FOXJ3: variants seen among roughly 807,000 people sequenced by gnomAD.
The protein encoded by FOXJ3 is forkhead box protein J3.
FOXJ3 carries 22 observed loss-of-function variants against 76.1 expected under a neutral mutation model. The ratio of observed to expected loss-of-function variants is 0.29; its 90% confidence interval spans 0.21 to 0.41. FOXJ3 has a LOEUF of 0.41. Among genes scored for constraint, FOXJ3 ranks in the 10% least tolerant of loss-of-function variants. FOXJ3 has a pLI of 1.00. For missense variants in FOXJ3, 613 were observed against 762.1 expected (o/e 0.80, Z 2.30); for synonymous variants, 269 against 261.2 (o/e 1.03, Z -0.29).
chr1:42,283,521 A>T (rs1427491648), intron 2 of FOXJ3, among the ~76,000 whole-genome samples: 2 of 152,200 alleles, frequency 1.3e-5, no homozygotes, highest in Non-Finnish European at 2.9e-5. Context: ...CGTATCAAAA[A>T]GGGGGGCAAA....
At position 42,310,128 on chromosome 1, in the gene FOXJ3, T is replaced by C. The variant is rs117386990; in HGVS notation, c.44+922A>G. Among the ~76,000 whole-genome samples the C allele has an allele frequency of 1.4e-4, 21 of 152,228 alleles. No individual in the cohort carries two copies. In the East Asian group the frequency reaches 3.7e-3, roughly 27 times the overall value. Reference sequence around the variant, plus strand: ...CCAAATTTACTATGTTCTAATTAAATTGAGTAGAAAGCAGGTTTAGGTTTT... The same window carrying C: ...CCAAATTTACTATGTTCTAATTAAACTGAGTAGAAAGCAGGTTTAGGTTTT... On this transcript the variant is annotated intron_variant, in intron 2 of 12. Transcript: ENST00000361346.
At chr1:42,195,640 T>G (rs942948858) in intron 7 of FOXJ3, among the ~76,000 whole-genome samples, 5 of 152,252 alleles carry the variant, frequency 3.3e-5, no homozygotes, top group Admixed American at 6.5e-5. Flanking sequence ...ATCATCTGTA[T>G]TTCTTAAAGA....
intron 10 of FOXJ3, 131 bp from the exon 11 acceptor site, chr1:42,189,059 G>A (rs1012936566): frequency 9.6e-5 from 60 of 625,830 alleles, no homozygotes; most frequent in African/African-American, 6.8e-4. Flanking sequence ...ATTTATCCAC[G>A]CAATGAAGAA....
chr1:42,324,137 GTATATATACTA>G (rs1655654236), intron 1 of FOXJ3, among the ~76,000 whole-genome samples: 4 of 43,528 alleles, frequency 9.2e-5, no homozygotes, highest in Admixed American at 2.7e-4. Context: ...TGTATATACA[GTATATATACTA>G]TATATACACT....
chr1:42,221,214 C>T (rs780175995), intron 5 of FOXJ3, among the ~76,000 whole-genome samples: 1 of 152,098 alleles, frequency 6.6e-6, no homozygotes, highest in Admixed American at 6.5e-5. Context: ...AAGCAAAGAA[C>T]ATCTGAGTTT....
At chr1:42,248,310 C>A (rs557051716) in intron 4 of FOXJ3, among the ~76,000 whole-genome samples, 2 of 151,408 alleles carry the variant, frequency 1.3e-5, no homozygotes, top group East Asian at 3.9e-4. Context: ...TGAGGTGGGC[C>A]GATCACGAGG....
intron 5 of FOXJ3, among the ~76,000 whole-genome samples, chr1:42,221,869 T>C (rs1647192844): frequency 7.1e-6 from 1 of 140,806 alleles, no homozygotes; most frequent in African/African-American, 2.7e-5. Flanking sequence ...TCCCAGTACT[T>C]TGGGGGGCCA....
chr1:42,282,680 G>T (rs4660617), intron 2 of FOXJ3, among the ~76,000 whole-genome samples: 114,793 of 152,062 alleles, frequency 0.75, 43,408 homozygotes, highest in Admixed American at 0.81. Context: ...AGGGCCTTCT[G>T]TTCTGGAATG....
chr1:42,250,689 GC>G (rs1217479854), intron 4 of FOXJ3, among the ~76,000 whole-genome samples: 3 of 151,220 alleles, frequency 2.0e-5, no homozygotes, highest in Non-Finnish European at 4.4e-5. Flanking sequence ...GGTGGCACAT[GC>G]CTGTAATCTC....
intron 2 of FOXJ3, among the ~76,000 whole-genome samples, chr1:42,294,172 A>G (rs547575484): frequency 8.7e-4 from 133 of 152,322 alleles, no homozygotes; most frequent in Non-Finnish European, 1.6e-3. Flanking sequence ...AAGGAATCCT[A>G]AAATTATCCT....
At chr1:42,209,901 C>T (rs967295272) in intron 5 of FOXJ3, among the ~76,000 whole-genome samples, 1 of 152,184 alleles carries the variant, frequency 6.6e-6, no homozygotes, top group African/African-American at 2.4e-5. Context: ...AAGTGTGCTA[C>T]AGCCACAGGT....
chr1:42,334,029 G>T (rs1656313500), intron 1 of FOXJ3: 2 of 327,202 alleles, frequency 6.1e-6, no homozygotes, highest in African/African-American at 2.2e-5. Flanking sequence ...ACTCATTCAG[G>T]AATCCAACCA....
chr1:42,299,857 A>C (rs1435185594), intron 2 of FOXJ3, among the ~76,000 whole-genome samples: 1 of 151,076 alleles, frequency 6.6e-6, no homozygotes, highest in African/African-American at 2.4e-5. Context: ...GCAGTGAGCC[A>C]AGATCATGCC....
intron 4 of FOXJ3, among the ~76,000 whole-genome samples, chr1:42,252,009 G>A (rs1336368093): frequency 1.2e-4 from 19 of 152,176 alleles, no homozygotes; most frequent in Non-Finnish European, 1.8e-4. Context: ...GAGCCACCGC[G>A]CCCGGCCGGT....
intron 9 of FOXJ3, 185 bp from the exon 10 acceptor site, chr1:42,189,589 T>G (rs1646502881): frequency 2.1e-5 from 10 of 486,526 alleles, no homozygotes; most frequent in Middle Eastern, 2.9e-4. Context: ...AGGTATTATT[T>G]CTCTCCATTT....
chr1:42,259,604 G>A (rs1395941947), intron 4 of FOXJ3, among the ~76,000 whole-genome samples: 1 of 152,136 alleles, frequency 6.6e-6, no homozygotes, highest in Non-Finnish European at 1.5e-5. Flanking sequence ...CCCTGAATCA[G>A]ACTCTCACTT....
At chr1:42,287,048 A>T (rs12731337) in intron 2 of FOXJ3, among the ~76,000 whole-genome samples, 1 of 152,086 alleles carries the variant, frequency 6.6e-6, no homozygotes, top group East Asian at 1.9e-4. Context: ...TGTGGTTAAA[A>T]GAAAAAGTTG....
At chr1:42,294,762 C>CATAAAAAAAAAAAAAAAA (rs1653673003) in intron 2 of FOXJ3, among the ~76,000 whole-genome samples, 1 of 105,684 alleles carries the variant, frequency 9.5e-6, no homozygotes, top group African/African-American at 3.8e-5. Flanking sequence ...AACTTGGTCT[C>CATAAAAAAAAAAAAAAAA]AAAAAAAAAA....
intron 2 of FOXJ3, among the ~76,000 whole-genome samples, chr1:42,279,835 G>A (rs1652564594): frequency 6.6e-6 from 1 of 151,936 alleles, no homozygotes; most frequent in Non-Finnish European, 1.5e-5. Flanking sequence ...GGTTTCTTTT[G>A]ACTTAAAAGT....
Sources: allele counts gnomAD v4.1 joint callset (sites outside exome capture counted in the v4.1 genomes callset), GRCh38; gene constraint gnomAD v4.1.1; transcripts MANE v1.5; gene names NCBI Gene and HGNC (gene_info 2026-07-23, HGNC 2026-07-21).